The following SLAIN2 variants were observed in gnomAD, a reference collection of about 807,000 sequenced individuals.
SLAIN2 encodes the protein SLAIN motif-containing protein 2.
SLAIN2 carries 31 observed loss-of-function variants against 56.6 expected under a neutral mutation model. The ratio of observed to expected loss-of-function variants is 0.55; its 90% CI spans 0.41 to 0.74. The LOEUF (loss-of-function observed/expected upper bound fraction) is 0.74, where lower values mean the gene tolerates loss of function less well. SLAIN2 is among the 30% of genes least tolerant of loss of function. SLAIN2 has a pLI of 0.00. For missense variants in SLAIN2, 777 were observed against 754.2 expected (o/e 1.03, Z -0.35); for synonymous variants, 317 against 284.9 (o/e 1.11, Z -1.13).
At chr4:48,367,148 A>C (rs1715542354) in intron 1 of SLAIN2, among the ~76,000 whole-genome samples, 2 of 152,240 alleles carry the variant, frequency 1.3e-5, no homozygotes, top group Non-Finnish European at 2.9e-5. Flanking sequence ...GAATTCAGTT[A>C]TGTGGTACAG....
chr4:48,354,136 TA>T (rs371083135), intron 1 of SLAIN2, among the ~76,000 whole-genome samples: 16 of 148,602 alleles, frequency 1.1e-4, no homozygotes, highest in Non-Finnish European at 1.3e-4. Flanking sequence ...ACTTTCAAAT[TA>T]AAAAAAAAAG....
At chr4:48,343,656 G>T (rs1168241187) in intron 1 of SLAIN2, among the ~76,000 whole-genome samples, 2 of 152,194 alleles carry the variant, frequency 1.3e-5, no homozygotes, top group Non-Finnish European at 2.9e-5. Context: ...GAGGTGGCTT[G>T]GAGTCTGAAA....
chr4:48,350,722 T>C (rs1252716989), intron 1 of SLAIN2, among the ~76,000 whole-genome samples: 1 of 152,194 alleles, frequency 6.6e-6, no homozygotes, highest in Non-Finnish European at 1.5e-5. Context: ...TAGGACAAAC[T>C]AGCTTATTTA....
intron 2 of SLAIN2, among the ~76,000 whole-genome samples, chr4:48,371,614 A>G (rs1254650413): frequency 6.6e-6 from 1 of 152,084 alleles, no homozygotes; most frequent in African/African-American, 2.4e-5. Flanking sequence ...TTCTGACTAT[A>G]TATTGAGAAT....
chr4:48,382,812 G>C lies in SLAIN2; in HGVS notation c.1107G>C (p.Arg369=). ...CACCTCGTTCACGATCTCCTGCTCG[G>C]GGAATAGAATATAGTAGAGTGTCCC... ...RNSPRSRSPA[R]GIEYSRVSPQ... is the part of the protein sequence containing the mutation. Residue 369 remains arginine (R), a synonymous_variant, in exon 5 of 8, where the codon CGG becomes CGC. Coordinates refer to ENST00000264313, the MANE Select transcript of SLAIN2 (RefSeq NM_020846.2). The C allele has an allele frequency of 6.2e-7, 1 of 1,613,670 alleles. No homozygotes were observed. The highest frequency in any genetic ancestry group is 8.5e-7 in the Non-Finnish European group (1 of 1,179,840).
intron 1 of SLAIN2, among the ~76,000 whole-genome samples, chr4:48,369,044 G>A (rs1337629997): frequency 1.3e-5 from 2 of 151,920 alleles, no homozygotes; most frequent in East Asian, 3.9e-4. Context: ...ATACAGTATC[G>A]AAGCCTAATT....
At chr4:48,348,723 C>G (rs1284659063) in intron 1 of SLAIN2, among the ~76,000 whole-genome samples, 1 of 150,342 alleles carries the variant, frequency 6.7e-6, no homozygotes, top group African/African-American at 2.4e-5. Context: ...ACCTTTAAGA[C>G]AGAGTGCTAA....
chr4:48,352,416 G>A (rs1278550712), intron 1 of SLAIN2, among the ~76,000 whole-genome samples: 1 of 152,122 alleles, frequency 6.6e-6, no homozygotes, highest in East Asian at 1.9e-4. Context: ...TATCATTTTG[G>A]TTTCAAGATT....
chr4:48,388,182 A>G (rs1716148898), intron 6 of SLAIN2, among the ~76,000 whole-genome samples: 1 of 152,170 alleles, frequency 6.6e-6, no homozygotes. Context: ...TGAGAGTTCT[A>G]ATGTATCTTC....
At chr4:48,410,421 A>G (rs1352788772) in intron 6 of SLAIN2, among the ~76,000 whole-genome samples, 5 of 152,074 alleles carry the variant, frequency 3.3e-5, no homozygotes, top group Admixed American at 6.6e-5. Context: ...TTGAAGCACA[A>G]AAGTTCTTAA....
intron 1 of SLAIN2, among the ~76,000 whole-genome samples, chr4:48,349,816 A>G (rs1487088811): frequency 1.3e-5 from 2 of 152,218 alleles, no homozygotes; most frequent in African/African-American, 2.4e-5. Context: ...GGCTTCAACA[A>G]ATATGGTTTC....
chr4:48,414,570 T>A (rs1320149719), intron 6 of SLAIN2, among the ~76,000 whole-genome samples: 22 of 115,896 alleles, frequency 1.9e-4, no homozygotes, highest in Admixed American at 9.7e-4. Flanking sequence ...TTTTTTTTTT[T>A]ATTATACTCT....
At chr4:48,414,779 A>G (rs1234410732) in intron 6 of SLAIN2, among the ~76,000 whole-genome samples, 23 of 90,184 alleles carry the variant, frequency 2.6e-4, no homozygotes, top group South Asian at 2.0e-3. Context: ...TCATTGTTCA[A>G]TTCCCACCTA....
At position 48,356,295 on chromosome 4, in the gene SLAIN2, C is replaced by T. The variant is rs1466665571; in HGVS notation, c.390-13554C>T. Among the ~76,000 whole-genome samples the T allele has an allele frequency of 2.6e-5, 4 of 152,152 alleles. No individual in the cohort carries two copies. The East Asian group carries it at 5.8e-4, about 22-fold the overall frequency. On this transcript the variant is annotated intron_variant, in intron 1 of 7. Coordinates refer to ENST00000264313, the MANE Select transcript of SLAIN2 (RefSeq NM_020846.2). Reference sequence around the variant, plus strand: ...TTTATATGTATATATTATATATGCACATATCCATACATATACCCATGTGTG... The same window carrying T: ...TTTATATGTATATATTATATATGCATATATCCATACATATACCCATGTGTG...
At chr4:48,356,903 T>G (rs1050128537) in intron 1 of SLAIN2, among the ~76,000 whole-genome samples, 1 of 152,202 alleles carries the variant, frequency 6.6e-6, no homozygotes. Context: ...TTTACTCTGC[T>G]TGCTTTGCAC....
chr4:48,350,529 A>G (rs1413697209), intron 1 of SLAIN2, among the ~76,000 whole-genome samples: 1 of 152,202 alleles, frequency 6.6e-6, no homozygotes, highest in Non-Finnish European at 1.5e-5. Context: ...TATCTGTACT[A>G]CCCAGAGCAC....
intron 6 of SLAIN2, among the ~76,000 whole-genome samples, chr4:48,395,601 C>G (rs1179989396): frequency 6.6e-6 from 1 of 151,846 alleles, no homozygotes; most frequent in Non-Finnish European, 1.5e-5. Context: ...GAAGGTAAGT[C>G]AAATAGGCAA....
intron 1 of SLAIN2, among the ~76,000 whole-genome samples, chr4:48,362,236 T>C (rs1304137585): frequency 1.3e-5 from 2 of 152,154 alleles, no homozygotes; most frequent in Non-Finnish European, 2.9e-5. Context: ...GAGAAACTAT[T>C]TGGTCTTTTA....
intron 1 of SLAIN2, among the ~76,000 whole-genome samples, chr4:48,356,955 A>T (rs1577710871): frequency 6.6e-6 from 1 of 152,206 alleles, no homozygotes; most frequent in Middle Eastern, 3.4e-3. Context: ...TCTGTCACAC[A>T]TACTGTTTAT....
Sources: allele counts gnomAD v4.1 joint callset (sites outside exome capture counted in the v4.1 genomes callset), GRCh38; gene constraint gnomAD v4.1.1; transcripts MANE v1.5; gene names NCBI Gene and HGNC (gene_info 2026-07-23, HGNC 2026-07-21).